SLC9C2: variants seen among roughly 807,000 people sequenced by gnomAD.
The protein encoded by SLC9C2 is solute carrier family 9 member C2 (putative).
In SLC9C2, 75 loss-of-function variants were observed where a neutral mutation model predicts 140.2. That is an observed-to-expected ratio of 0.53 (90% CI 0.44 to 0.65). The LOEUF (loss-of-function observed/expected upper bound fraction) is 0.65, where lower values mean the gene tolerates loss of function less well. SLC9C2 is among the 30% of genes least tolerant of loss of function. The pLI is 0.00. For missense variants in SLC9C2, 1,074 were observed against 1,331.8 expected (o/e 0.81, Z 3.01); for synonymous variants, 375 against 420.9 (o/e 0.89, Z 1.34).
intron 4 of SLC9C2, among the ~76,000 whole-genome samples, chr1:173,588,802 A>G (rs1216086281): frequency 6.6e-6 from 1 of 152,126 alleles, no homozygotes; most frequent in East Asian, 1.9e-4. Flanking sequence ...GGCCAGGTGC[A>G]GTGGCTCATG....
intron 11 of SLC9C2, among the ~76,000 whole-genome samples, chr1:173,551,090 G>C (rs1291492056): frequency 6.6e-6 from 1 of 152,140 alleles, no homozygotes; most frequent in Non-Finnish European, 1.5e-5. Flanking sequence ...ACAGTTCTAA[G>C]AATGTGCAGG....
At position 173,521,311 on chromosome 1, in the gene SLC9C2, C is replaced by A. The variant is rs1289312983; in HGVS notation, c.2729G>T (p.Gly910Val). 5.9e-6 allele frequency: 9 copies of A among 1,522,450 alleles called. No individual in the cohort carries two copies. Among genetic ancestry groups the A allele is most frequent in the South Asian group, 1.3e-5 (1 of 75,948 alleles). The allele number at this position is 1,522,450 out of a possible 1,614,324, so 94.3% of individuals were successfully genotyped here. Residue 910 changes from glycine (G) to valine (V), a missense_variant, in exon 22 of 28, where the codon GGA becomes GTA. Coordinates refer to ENST00000367714, the MANE Select transcript of SLC9C2 (RefSeq NM_178527.4). ...MPQGIYLIIS[G>V]MAILHSLSPT... Reference sequence around the variant, plus strand: ...TCAATAGTCCCTTACAATTGCCATTCCTGAAATAATTAAGTAGATTCCTTG... The same window carrying A: ...TCAATAGTCCCTTACAATTGCCATTACTGAAATAATTAAGTAGATTCCTTG...
In SLC9C2 at chr1:173,530,049, T is replaced by C. The variant is rs370156134; in HGVS notation, c.2169A>G (p.Ile723Met). 9 of 1,586,656 alleles carry C rather than the reference T, an allele frequency of 5.7e-6. No homozygotes were observed. The highest frequency in any genetic ancestry group is 1.4e-5 in the African/African-American group (1 of 73,002). Residue 723 changes from isoleucine (I) to methionine (M), a missense_variant, in exon 18 of 28, where the codon ATA (isoleucine) becomes ATG (methionine). Coordinates refer to ENST00000367714, the MANE Select transcript of SLC9C2 (RefSeq NM_178527.4). Reference protein sequence around the residue: ...IIRFLPLFKIIVPILIRIADV... With the variant: ...IIRFLPLFKIMVPILIRIADV... ...CTGCAATTCTTATCAGTATTGGTAC[T>C]ATTATCTGGAATAATGAGAAGAAGA... is the stretch of plus-strand genomic sequence containing the variant.
chr1:173,562,701 A>G (rs958648220), intron 9 of SLC9C2, among the ~76,000 whole-genome samples: 1 of 152,234 alleles, frequency 6.6e-6, no homozygotes, highest in Admixed American at 6.5e-5. Context: ...TTTAGCATAT[A>G]TAATTTGATG....
intron 24 of SLC9C2, among the ~76,000 whole-genome samples, chr1:173,508,266 T>C (rs1355720857): frequency 6.6e-6 from 1 of 151,670 alleles, no homozygotes; most frequent in African/African-American, 2.4e-5. Flanking sequence ...AGTTCTTTAA[T>C]GGAAAAAAAA....
intron 5 of SLC9C2, among the ~76,000 whole-genome samples, chr1:173,585,693 G>A (rs992494948): frequency 2.6e-5 from 4 of 152,304 alleles, no homozygotes; most frequent in East Asian, 3.9e-4. Flanking sequence ...TCAGCCGGGT[G>A]CAGTGGCTCA....
At chr1:173,572,273 C>T (rs1217569134) in intron 9 of SLC9C2, among the ~76,000 whole-genome samples, 1 of 152,210 alleles carries the variant, frequency 6.6e-6, no homozygotes, top group East Asian at 1.9e-4. Context: ...CTACTGATTT[C>T]ACAGCTGCAT....
intron 5 of SLC9C2, among the ~76,000 whole-genome samples, chr1:173,587,034 A>G (rs966223409): frequency 2.0e-5 from 3 of 151,012 alleles, no homozygotes; most frequent in African/African-American, 7.4e-5. Flanking sequence ...GGAACAAAGA[A>G]AAAAAAAACC....
intron 4 of SLC9C2, among the ~76,000 whole-genome samples, chr1:173,595,756 G>C (rs906299322): frequency 6.6e-6 from 1 of 152,054 alleles, no homozygotes; most frequent in African/African-American, 2.4e-5. Flanking sequence ...GTGAGAAAAA[G>C]TCAAAATATA....
rs577002940 is a variant in SLC9C2 at position 173,504,679 on chromosome 1, T to C, written c.3310+568A>G. Among the ~76,000 whole-genome samples the C allele has an allele frequency of 7.9e-5, 12 of 152,256 alleles. No homozygotes were observed. In the South Asian group the frequency reaches 2.5e-3, roughly 32 times the overall value. ...TGGAAGATCTTGTGTGTGTTTTTTC[T>C]AGAGCAAGCTCTTCCTATCAAGTCT... On this transcript the variant is annotated intron_variant, in intron 26 of 27. Coordinates refer to ENST00000367714, the MANE Select transcript of SLC9C2 (RefSeq NM_178527.4).
chr1:173,556,098 C>G (rs1304788266), intron 10 of SLC9C2, among the ~76,000 whole-genome samples: 1 of 152,186 alleles, frequency 6.6e-6, no homozygotes, highest in Non-Finnish European at 1.5e-5. Context: ...AGTCAGTGCT[C>G]TTGAGCTCAT....
intron 9 of SLC9C2, among the ~76,000 whole-genome samples, chr1:173,571,232 T>G (rs1664825391): frequency 6.6e-6 from 1 of 152,238 alleles, no homozygotes; most frequent in Admixed American, 6.5e-5. Context: ...ACGGGGCTGA[T>G]GTACATCCTT....
intron 9 of SLC9C2, among the ~76,000 whole-genome samples, chr1:173,569,730 G>A (rs749151586): frequency 2.6e-5 from 4 of 151,824 alleles, no homozygotes; most frequent in Admixed American, 6.6e-5. Flanking sequence ...CAGGAGAATC[G>A]CTTGAGCCCA....
At chr1:173,564,549 T>G (rs1664324788) in intron 9 of SLC9C2, among the ~76,000 whole-genome samples, 1 of 152,158 alleles carries the variant, frequency 6.6e-6, no homozygotes, top group Non-Finnish European at 1.5e-5. Context: ...TTAATCAGAT[T>G]GTTAGATGTT....
intron 8 of SLC9C2, 23 bp from the exon 9 acceptor site, chr1:173,573,348 G>T (rs1179274878): frequency 7.2e-7 from 1 of 1,389,900 alleles, no homozygotes; most frequent in South Asian, 1.3e-5. Flanking sequence ...AAATAGAAAT[G>T]ACATTTTAAG....
intron 18 of SLC9C2, among the ~76,000 whole-genome samples, 165 bp downstream of exon 18, chr1:173,529,740 T>A (rs1418404410): frequency 1.3e-5 from 2 of 151,838 alleles, no homozygotes; most frequent in African/African-American, 2.4e-5. Flanking sequence ...AATGTAATGA[T>A]CAGAGACTGT....
intron 13 of SLC9C2, among the ~76,000 whole-genome samples, chr1:173,537,289 G>A (rs1487377486): frequency 1.3e-5 from 2 of 152,090 alleles, no homozygotes; most frequent in Non-Finnish European, 2.9e-5. Context: ...CAAAATGTAT[G>A]CCACTCAGCC....
intron 11 of SLC9C2, among the ~76,000 whole-genome samples, chr1:173,552,829 A>G (rs571626801): frequency 1.3e-5 from 2 of 152,352 alleles, no homozygotes; most frequent in South Asian, 2.1e-4. Flanking sequence ...CCAAGTATCA[A>G]GGAGTCATTT....
At chr1:173,595,308 A>G (rs1425730692) in intron 4 of SLC9C2, among the ~76,000 whole-genome samples, 1 of 152,040 alleles carries the variant, frequency 6.6e-6, no homozygotes, top group African/African-American at 2.4e-5. Context: ...CCACTTCACA[A>G]TCTCAAGATG....
Sources: allele counts gnomAD v4.1 joint callset (sites outside exome capture counted in the v4.1 genomes callset), GRCh38; gene constraint gnomAD v4.1.1; transcripts MANE v1.5; gene names NCBI Gene and HGNC (gene_info 2026-07-23, HGNC 2026-07-21).